Variants in NLGN4Y observed in about 807,000 individuals in gnomAD.
NLGN4Y encodes the protein neuroligin-4, Y-linked.
NLGN4Y carries 4 observed loss-of-function variants against 8.4 expected under a neutral mutation model. That is an observed-to-expected ratio of 0.48 (90% CI 0.23 to 1.09). The LOEUF (loss-of-function observed/expected upper bound fraction) is 1.09. Among genes scored for constraint, NLGN4Y ranks in the 50% least tolerant of loss-of-function variants. The pLI is 0.19. For missense variants in NLGN4Y, 90 were observed against 192.3 expected (o/e 0.47, Z 3.15); for synonymous variants, 35 against 75.6 (o/e 0.46, Z 2.78).
chrY:14,671,473 G>A (rs2080710206), intron 2 of NLGN4Y, among the ~76,000 whole-genome samples: 1 of 31,042 alleles, frequency 3.2e-5, no homozygotes, highest in Admixed American at 3.0e-4. Context: ...TGAGGGTGCA[G>A]TGAGCTATGA....
intron 4 of NLGN4Y, among the ~76,000 whole-genome samples, chrY:14,780,672 C>T (rs2042941081): frequency 3.0e-5 from 1 of 33,171 alleles, no homozygotes; most frequent in Non-Finnish European, 7.4e-5. Context: ...GAGGACACAG[C>T]GAGAAGGTGC....
At chrY:14,596,455 G>A in intron 1 of NLGN4Y, among the ~76,000 whole-genome samples, 1 of 33,819 alleles carries the variant, frequency 3.0e-5, no homozygotes, top group Admixed American at 2.7e-4. Flanking sequence ...GAGGGCAAGG[G>A]TCAGTATAGA....
chrY:14,778,991 C>A (rs893292835), intron 4 of NLGN4Y, among the ~76,000 whole-genome samples: 5 of 32,734 alleles, frequency 1.5e-4, no homozygotes, highest in Admixed American at 1.4e-3. Flanking sequence ...TCACTGCCAC[C>A]TCGATCTCCT....
intron 2 of NLGN4Y, among the ~76,000 whole-genome samples, chrY:14,644,726 C>T: frequency 3.0e-5 from 1 of 33,266 alleles, no homozygotes; most frequent in Non-Finnish European, 7.4e-5. Context: ...ATCATTCACA[C>T]TTTCTGTCGG....
At chrY:14,584,656 C>T in intron 1 of NLGN4Y, among the ~76,000 whole-genome samples, 1 of 33,527 alleles carries the variant, frequency 3.0e-5, no homozygotes, top group African/African-American at 1.2e-4. Flanking sequence ...CTCAGTGTTG[C>T]ACGTTGCATG....
intron 4 of NLGN4Y, among the ~76,000 whole-genome samples, chrY:14,815,106 A>C: frequency 3.1e-5 from 1 of 32,697 alleles, no homozygotes; most frequent in Non-Finnish European, 7.5e-5. Flanking sequence ...GAGTAGACAG[A>C]ACTGGTTGTA....
At chrY:14,733,522 A>G (rs1603503314) in intron 4 of NLGN4Y, 1 of 336,548 alleles carries the variant, frequency 3.0e-6, no homozygotes, top group South Asian at 3.7e-5. Flanking sequence ...TCACTAATTT[A>G]ATAAATTTTT....
At chrY:14,668,207 G>A in intron 2 of NLGN4Y, among the ~76,000 whole-genome samples, 1 of 33,612 alleles carries the variant, frequency 3.0e-5, no homozygotes, top group Admixed American at 2.7e-4. Context: ...ATGTGGGAAA[G>A]GAATGGAAAG....
At chrY:14,834,104 T>C (rs2150598714) in intron 6 of NLGN4Y, among the ~76,000 whole-genome samples, 1 of 32,836 alleles carries the variant, frequency 3.0e-5, no homozygotes, top group East Asian at 7.9e-4. Flanking sequence ...TGGATGCTTT[T>C]ACCAAGATAT....
chrY:14,711,315 A>T, intron 2 of NLGN4Y, among the ~76,000 whole-genome samples: 1 of 32,892 alleles, frequency 3.0e-5, no homozygotes, highest in Non-Finnish European at 7.4e-5. Context: ...GCATATCATT[A>T]TATTTTTTTT....
chrY:14,656,671 G>C (rs2150522423), intron 2 of NLGN4Y, among the ~76,000 whole-genome samples: 1 of 28,181 alleles, frequency 3.5e-5, no homozygotes, highest in East Asian at 9.0e-4. Context: ...TTTCAGACTA[G>C]AGTCACTCAG....
At chrY:14,635,485 A>C in intron 2 of NLGN4Y, among the ~76,000 whole-genome samples, 1 of 32,776 alleles carries the variant, frequency 3.1e-5, no homozygotes, top group Non-Finnish European at 7.5e-5. Context: ...TTTCAGGGGA[A>C]GGAAAATGGA....
intron 2 of NLGN4Y, among the ~76,000 whole-genome samples, chrY:14,713,039 C>T (rs769084330): frequency 9.2e-4 from 31 of 33,648 alleles, no homozygotes; most frequent in Admixed American, 6.7e-3. Context: ...CACCTCCTCC[C>T]ATAGGCAAAT....
At chrY:14,707,758 C>CA (rs758825483) in intron 2 of NLGN4Y, among the ~76,000 whole-genome samples, 25 of 30,482 alleles carry the variant, frequency 8.2e-4, no homozygotes, top group South Asian at 1.5e-3. Context: ...AAATTTGCAA[C>CA]AAAAAAAAAT....
At chrY:14,593,588 G>A (rs1052279062) in intron 1 of NLGN4Y, among the ~76,000 whole-genome samples, 1 of 33,349 alleles carries the variant, frequency 3.0e-5, no homozygotes, top group South Asian at 6.9e-4. Flanking sequence ...GTTTCAGTCC[G>A]GGAATACTGG....
intron 4 of NLGN4Y, among the ~76,000 whole-genome samples, chrY:14,742,629 T>C: frequency 3.0e-5 from 1 of 32,918 alleles, no homozygotes; most frequent in East Asian, 7.9e-4. Flanking sequence ...ATACAGATTA[T>C]GTAATTTACA....
chrY:14,708,822 A>T, intron 2 of NLGN4Y, among the ~76,000 whole-genome samples: 1 of 33,531 alleles, frequency 3.0e-5, no homozygotes, highest in Non-Finnish European at 7.4e-5. Context: ...TATTTAGCAA[A>T]GCATCTCAAA....
At chrY:14,800,974 G>C in intron 4 of NLGN4Y, among the ~76,000 whole-genome samples, 1 of 32,023 alleles carries the variant, frequency 3.1e-5, no homozygotes, top group Non-Finnish European at 7.5e-5. Flanking sequence ...TATTCATCAT[G>C]ATACCCAGAA....
chrY:14,841,272 A>C lies in NLGN4Y; in HGVS notation c.*10A>C. On this transcript the variant is annotated 3_prime_UTR_variant, in exon 7 of 7. Coordinates refer to ENST00000684976, the MANE Select transcript of NLGN4Y (RefSeq NM_001365588.1). Reference sequence around the variant, plus strand: ...CACCACTAGAGTATAGCTTTTCCCTATTTCCCCTCCTATCCCTCTGCCCCT... The same window carrying C: ...CACCACTAGAGTATAGCTTTTCCCTCTTTCCCCTCCTATCCCTCTGCCCCT... 2.5e-6 allele frequency: 1 copy of C among 396,716 alleles called. No homozygotes were observed. The highest frequency in any genetic ancestry group is 6.2e-5 in the African/African-American group (1 of 16,034).
Sources: gnomAD v4.1 joint callset for allele counts (sites outside exome capture counted in the v4.1 genomes callset) on GRCh38, gnomAD v4.1.1 for gene constraint, MANE v1.5 for transcripts, NCBI Gene and HGNC (gene_info 2026-07-23, HGNC 2026-07-21) for gene names.